The following GARIN4 variants were observed in gnomAD, a reference collection of about 807,000 sequenced individuals.
GARIN4 encodes Golgi-associated RAB2 interactor protein 4.
chr1:212,625,620 T>G, the GARIN4 span: 6 of 1,613,908 alleles, frequency 3.7e-6, no homozygotes, highest in Non-Finnish European at 5.1e-6. Flanking sequence ...CAAAATGACT[T>G]TAACAAACCC....
the GARIN4 span, chr1:212,625,693 A>G: frequency 6.2e-7 from 1 of 1,614,064 alleles, no homozygotes; most frequent in African/African-American, 1.3e-5. Context: ...AGCCAGCAAC[A>G]GGGGGGATTA....
the GARIN4 span, chr1:212,625,455 T>A: frequency 1.2e-6 from 2 of 1,614,138 alleles, no homozygotes; most frequent in South Asian, 2.2e-5. Flanking sequence ...GAAGACATGA[T>A]GTGGATGCCT....
At chr1:212,624,942 A>G in the GARIN4 span, 1 of 1,613,960 alleles carries the variant, frequency 6.2e-7, no homozygotes, top group Non-Finnish European at 8.5e-7. Context: ...AGCATGTTCA[A>G]CACCACCATG....
At chr1:212,625,692 C>T in the GARIN4 span, 1 of 1,614,098 alleles carries the variant, frequency 6.2e-7, no homozygotes, top group East Asian at 2.2e-5. Context: ...GAGCCAGCAA[C>T]AGGGGGGATT....
chr1:212,625,271 C>T, the GARIN4 span: 8 of 1,614,080 alleles, frequency 5.0e-6, no homozygotes, highest in Non-Finnish European at 6.8e-6. Flanking sequence ...GATCTCTGTT[C>T]AAGACCATGA....
the GARIN4 span, chr1:212,625,501 G>A: frequency 3.1e-6 from 5 of 1,614,194 alleles, no homozygotes; most frequent in Non-Finnish European, 4.2e-6. Flanking sequence ...TGGGAGCCGT[G>A]AACCTTCAAG....
chr1:212,625,412 G>C, the GARIN4 span: 8 of 1,614,252 alleles, frequency 5.0e-6, no homozygotes, highest in South Asian at 1.1e-5. Context: ...GCCACCCATG[G>C]AGAGTAACAG....
At chr1:212,625,431 G>A in the GARIN4 span, 1 of 1,614,176 alleles carries the variant, frequency 6.2e-7, no homozygotes, top group South Asian at 1.1e-5. Context: ...AGCAGTACCT[G>A]TGGCATTCCA....
the GARIN4 span, chr1:212,626,080 G>A: frequency 3.7e-6 from 6 of 1,614,088 alleles, no homozygotes; most frequent in Non-Finnish European, 5.1e-6. Flanking sequence ...GGCAGAGCAA[G>A]AGCAGCCTGA....
the GARIN4 span, chr1:212,625,295 C>A: frequency 6.2e-7 from 1 of 1,614,236 alleles, no homozygotes; most frequent in South Asian, 1.1e-5. Context: ...ACAACAGCTG[C>A]GCCTGAAGTT....
chr1:212,626,047 A>C, the GARIN4 span: 1 of 1,614,244 alleles, frequency 6.2e-7, no homozygotes, highest in Non-Finnish European at 8.5e-7. Context: ...TGGATGCAGC[A>C]GCGGGACCTC....
the GARIN4 span, chr1:212,626,299 G>A: frequency 6.2e-7 from 1 of 1,612,866 alleles, no homozygotes; most frequent in African/African-American, 1.3e-5. Context: ...ATGACAAAAA[G>A]GAGAAAGGCT....
At chr1:212,625,662 C>T in the GARIN4 span, 1 of 1,614,188 alleles carries the variant, frequency 6.2e-7, no homozygotes, top group Admixed American at 1.7e-5. Flanking sequence ...ATCCCCAAAA[C>T]ATCTACAGAA....
chr1:212,624,707 G>A, the GARIN4 span: 2 of 1,317,050 alleles, frequency 1.5e-6, no homozygotes, highest in Non-Finnish European at 2.0e-6. Flanking sequence ...CCCGGCCTCT[G>A]GGAGGCTCTG....
chr1:212,626,655 C>G, the GARIN4 span: 1 of 1,596,830 alleles, frequency 6.3e-7, no homozygotes, highest in Non-Finnish European at 8.5e-7. Context: ...ACCTTTGAAG[C>G]CCATTAAATA....
the GARIN4 span, chr1:212,624,753 T>C: frequency 7.0e-7 from 1 of 1,429,894 alleles, no homozygotes; most frequent in Non-Finnish European, 9.1e-7. Context: ...GGGGTGGGAT[T>C]GAGAGACCAG....
At chr1:212,625,388 A>G in the GARIN4 span, 1 of 1,614,182 alleles carries the variant, frequency 6.2e-7, no homozygotes, top group Non-Finnish European at 8.5e-7. Flanking sequence ...GGAAAAACTA[A>G]TTTACCTCTT....
the GARIN4 span, chr1:212,625,557 T>A: frequency 6.2e-7 from 1 of 1,614,094 alleles, no homozygotes. Flanking sequence ...CTCCACATGG[T>A]CTCTGAGGTG....
the GARIN4 span, chr1:212,625,401 G>A: frequency 2.0e-5 from 33 of 1,614,202 alleles, no homozygotes; most frequent in South Asian, 1.9e-4. Flanking sequence ...TACCTCTTGC[G>A]GCCACCCATG....
Sources: allele counts gnomAD v4.1 joint callset, GRCh38; gene constraint gnomAD v4.1.1; transcripts MANE v1.5; gene names NCBI Gene and HGNC (gene_info 2026-07-23, HGNC 2026-07-21).